CPNE8: variants seen among roughly 807,000 people sequenced by gnomAD.
The protein encoded by CPNE8 is copine 8, also known as copine-8.
In CPNE8, 45 loss-of-function variants were observed where a neutral mutation model predicts 81.5. The ratio of observed to expected loss-of-function variants is 0.55; its 90% CI spans 0.44 to 0.71. The LOEUF (loss-of-function observed/expected upper bound fraction) is 0.71, where lower values mean the gene tolerates loss of function less well. Among genes scored for constraint, CPNE8 ranks in the 30% least tolerant of loss-of-function variants. CPNE8 has a pLI of 0.00. For synonymous variants in CPNE8, 252 were observed against 226.3 expected (o/e 1.11, Z -1.02); for missense variants, 594 against 672.1 (o/e 0.88, Z 1.28).
intron 14 of CPNE8, among the ~76,000 whole-genome samples, chr12:38,701,951 A>C (rs936283351): frequency 7.2e-5 from 11 of 152,314 alleles, no homozygotes; most frequent in African/African-American, 2.6e-4. Context: ...TAACAAGTCA[A>C]GTGTGTTTAT....
chr12:38,836,779 C>A (rs2137035931), intron 5 of CPNE8, among the ~76,000 whole-genome samples: 1 of 152,218 alleles, frequency 6.6e-6, no homozygotes, highest in East Asian at 1.9e-4. Context: ...GTCTGATCTT[C>A]AAAAATCCTC....
chr12:38,726,556 A>T (rs894124811), intron 11 of CPNE8: 1 of 152,194 alleles, frequency 6.6e-6, no homozygotes, highest in African/African-American at 2.4e-5. Context: ...GATTTGAAGA[A>T]TTCCGCAATT....
intron 18 of CPNE8, among the ~76,000 whole-genome samples, chr12:38,672,689 C>T (rs1939202139): frequency 6.6e-6 from 1 of 152,116 alleles, no homozygotes; most frequent in Non-Finnish European, 1.5e-5. Flanking sequence ...AGAAATCTTG[C>T]TTTGAGAAAT....
At chr12:38,694,043 T>C (rs563208632) in intron 14 of CPNE8, among the ~76,000 whole-genome samples, 54 of 152,170 alleles carry the variant, frequency 3.5e-4, no homozygotes, top group Admixed American at 1.0e-3. Context: ...TTCTAAGATA[T>C]GCCAAAGCAT....
chr12:38,685,992 C>A (rs564029064), intron 15 of CPNE8, among the ~76,000 whole-genome samples: 4 of 152,036 alleles, frequency 2.6e-5, no homozygotes, highest in African/African-American at 9.7e-5. Context: ...AGAAAACCAA[C>A]GTATTAATAG....
In CPNE8 at chr12:38,748,360, A is replaced by G. The variant is rs552387039; in HGVS notation, c.722+12487T>C. 1.1e-3 allele frequency among the ~76,000 whole-genome samples: 161 copies of G among 152,280 alleles called. 1 individual carries two copies. Among genetic ancestry groups the G allele is most frequent in the African/African-American group, 3.7e-3 (155 of 41,574 alleles). ...TATTCCTTTTGATGGAAGTACCACA[A>G]TTTAATTTGGACATCAGGGTTGTTC... On this transcript the variant is annotated intron_variant, in intron 10 of 19. Transcript: ENST00000331366.
At chr12:38,673,100 G>T (rs1939213058) in intron 18 of CPNE8, among the ~76,000 whole-genome samples, 1 of 152,132 alleles carries the variant, frequency 6.6e-6, no homozygotes, top group Non-Finnish European at 1.5e-5. Context: ...GATAGTGAGT[G>T]AATTCTCACA....
At chr12:38,724,084 A>C (rs1940637370) in intron 12 of CPNE8, among the ~76,000 whole-genome samples, 1 of 152,150 alleles carries the variant, frequency 6.6e-6, no homozygotes, top group Non-Finnish European at 1.5e-5. Context: ...AATTATCTAC[A>C]AGGACATTGT....
At chr12:38,703,251 C>G (rs1254908678) in intron 13 of CPNE8, among the ~76,000 whole-genome samples, 2 of 152,132 alleles carry the variant, frequency 1.3e-5, no homozygotes, top group Non-Finnish European at 2.9e-5. Context: ...TCAATGCCAT[C>G]ATGTATTATT....
intron 1 of CPNE8, among the ~76,000 whole-genome samples, chr12:38,877,249 G>C (rs1251627195): frequency 6.6e-6 from 1 of 152,174 alleles, no homozygotes. Flanking sequence ...AGTATAAAGA[G>C]AGATGCTGCT....
At chr12:38,871,802 G>A (rs1211774457) in intron 3 of CPNE8, among the ~76,000 whole-genome samples, 1 of 152,100 alleles carries the variant, frequency 6.6e-6, no homozygotes, top group African/African-American at 2.4e-5. Context: ...AAGATGATGA[G>A]TTTATATTTG....
intron 6 of CPNE8, among the ~76,000 whole-genome samples, chr12:38,789,293 A>G (rs1942270197): frequency 6.6e-6 from 1 of 151,750 alleles, no homozygotes; most frequent in African/African-American, 2.4e-5. Context: ...CCAGAAACCA[A>G]CCTATACACC....
At chr12:38,657,851 A>C (rs905301500) in intron 19 of CPNE8, among the ~76,000 whole-genome samples, 1 of 152,190 alleles carries the variant, frequency 6.6e-6, no homozygotes, top group Non-Finnish European at 1.5e-5. Context: ...AGTAGCATCA[A>C]CATCAATAAA....
rs1161265989 is a variant in CPNE8, at chr12:38,843,821, T to C, written c.291-3866A>G. The stretch of plus-strand genomic sequence containing the variant: ...TCCCAACACCGCCTACCTTTTTGCA[T>C]TCCCACCTCCCTTCTGTCCTGCAAG... On this transcript the variant is annotated intron_variant, in intron 4 of 19. Transcript: ENST00000331366. Among the ~76,000 whole-genome samples the C allele has an allele frequency of 2.6e-5, 4 of 152,112 alleles. No individual in the cohort carries two copies. The East Asian group carries it at 7.7e-4, about 29-fold the overall frequency.
At position 38,776,292 on chromosome 12, in the gene CPNE8, TG is replaced by T; in HGVS notation, c.416del (p.Pro139GlnfsTer15). On this transcript the variant is annotated frameshift_variant, in exon 7 of 20. Transcript: ENST00000331366. LOFTEE classifies it high-confidence loss of function. ...SRLEKPIVGI[P>X]GKKCGTIILT... ...GTATGATTGTACCACATTTCTTCCC[TG>T]GAATTCCTCTAAAACAACAAAAATA... 6.6e-7 allele frequency: 1 copy of T among 1,522,308 alleles called. No individual in the cohort carries two copies. Among genetic ancestry groups the T allele is most frequent in the Admixed American group, 1.7e-5 (1 of 57,352 alleles). The allele number at this position is 1,522,308 out of a possible 1,614,324, so 94.3% of individuals were successfully genotyped here.
chr12:38,884,555 A>C (rs1944211785), intron 1 of CPNE8, among the ~76,000 whole-genome samples: 1 of 152,206 alleles, frequency 6.6e-6, no homozygotes, highest in Admixed American at 6.5e-5. Context: ...CATACCTAAC[A>C]GAATTGCTGG....
chr12:38,687,851 A>G (rs1204330761), intron 15 of CPNE8, among the ~76,000 whole-genome samples: 1 of 152,206 alleles, frequency 6.6e-6, no homozygotes, highest in Non-Finnish European at 1.5e-5. Context: ...TTGAAAGTAT[A>G]AAAATAAAAG....
At chr12:38,698,129 T>C (rs1209005018) in intron 14 of CPNE8, among the ~76,000 whole-genome samples, 2 of 152,240 alleles carry the variant, frequency 1.3e-5, no homozygotes, top group African/African-American at 2.4e-5. Flanking sequence ...TATCTCATTA[T>C]AGTTTCGATT....
chr12:38,874,470 C>G lies in CPNE8; in HGVS notation c.139+1G>C, dbSNP rs1944039515. On this transcript the variant is annotated splice_donor_variant, in intron 2 of 19. Transcript: ENST00000331366. LOFTEE classifies it high-confidence loss of function. ...TCAAAAGGCAAGCAATACATACTTA[C>G]TTGGATCAGATTTAGAAAATGTGTC... 1 of 1,604,276 alleles carries G rather than the reference C, an allele frequency of 6.2e-7. No individual in the cohort carries two copies. The highest frequency in any genetic ancestry group is 1.1e-5 in the South Asian group (1 of 90,284).
Sources: gnomAD v4.1 joint callset for allele counts (sites outside exome capture counted in the v4.1 genomes callset) on GRCh38, gnomAD v4.1.1 for gene constraint, MANE v1.5 for transcripts, NCBI Gene and HGNC (gene_info 2026-07-23, HGNC 2026-07-21) for gene names.